LRP1B: variants seen among roughly 807,000 people sequenced by gnomAD.
LRP1B encodes the protein low-density lipoprotein receptor-related protein 1B.
In LRP1B, 217 loss-of-function variants were observed where a neutral mutation model predicts 556.6. That is an observed-to-expected ratio of 0.39 (90% CI 0.35 to 0.44). The LOEUF is 0.44. Among genes scored for constraint, LRP1B ranks in the 20% least tolerant of loss-of-function variants. LRP1B has a pLI of 1.00. For missense variants in LRP1B, 5,053 were observed against 5,620.8 expected (o/e 0.90, Z 3.23); for synonymous variants, 2,047 against 1,865.8 (o/e 1.10, Z -2.50).
At chr2:140,593,484 G>T (rs2105173180) in intron 43 of LRP1B, among the ~76,000 whole-genome samples, 1 of 152,220 alleles carries the variant, frequency 6.6e-6, no homozygotes, top group East Asian at 1.9e-4. Context: ...AAACATTACA[G>T]AATTATTTTC....
intron 1 of LRP1B, among the ~76,000 whole-genome samples, chr2:142,058,553 C>A (rs1704766096): frequency 6.6e-6 from 1 of 151,952 alleles, no homozygotes; most frequent in Non-Finnish European, 1.5e-5. Context: ...GTTTTTTTTG[C>A]AATTTTTTTA....
intron 54 of LRP1B, among the ~76,000 whole-genome samples, chr2:140,502,625 CT>C (rs1689247350): frequency 6.6e-6 from 1 of 151,894 alleles, no homozygotes; most frequent in Non-Finnish European, 1.5e-5. Context: ...TAAATTTTAA[CT>C]TTTTTGCATT....
At chr2:141,223,518 A>T (rs1432541793) in intron 6 of LRP1B, among the ~76,000 whole-genome samples, 1 of 152,224 alleles carries the variant, frequency 6.6e-6, no homozygotes, top group Non-Finnish European at 1.5e-5. Flanking sequence ...TCTTCAGTGA[A>T]TTAGAAAAAA....
At chr2:140,940,914 A>G (rs937722133) in intron 20 of LRP1B, among the ~76,000 whole-genome samples, 1 of 152,112 alleles carries the variant, frequency 6.6e-6, no homozygotes, top group Non-Finnish European at 1.5e-5. Flanking sequence ...CTATTTCTCC[A>G]TAGCCTTGCT....
intron 77 of LRP1B, among the ~76,000 whole-genome samples, chr2:140,348,830 C>T (rs1000367328): frequency 5.3e-5 from 8 of 152,040 alleles, no homozygotes; most frequent in Admixed American, 6.6e-5. Flanking sequence ...GTGAATTTGG[C>T]TTCTAATCTA....
At chr2:141,454,402 A>G (rs898176523) in intron 3 of LRP1B, among the ~76,000 whole-genome samples, 1 of 152,122 alleles carries the variant, frequency 6.6e-6, no homozygotes, top group Non-Finnish European at 1.5e-5. Flanking sequence ...TGCTGGCAAG[A>G]ACTCCCTACC....
intron 41 of LRP1B, among the ~76,000 whole-genome samples, chr2:140,640,780 C>G (rs1684266637): frequency 6.6e-6 from 1 of 152,110 alleles, no homozygotes; most frequent in African/African-American, 2.4e-5. Context: ...ATAATGTGTG[C>G]TCCAAAATTA....
At chr2:141,962,092 T>A (rs557974964) in intron 1 of LRP1B, among the ~76,000 whole-genome samples, 4 of 151,914 alleles carry the variant, frequency 2.6e-5, no homozygotes, top group Non-Finnish European at 4.4e-5. Context: ...AATACAGTAA[T>A]TTTTAACCTA....
intron 32 of LRP1B, among the ~76,000 whole-genome samples, chr2:140,793,851 G>A (rs1181580126): frequency 6.6e-6 from 1 of 151,850 alleles, no homozygotes; most frequent in Admixed American, 6.6e-5. Flanking sequence ...AAAAAATGTA[G>A]TTTATAAAGT....
chr2:140,322,188 G>T, intron 81 of LRP1B, 100 bp from the exon 82 acceptor site: 2 of 1,150,428 alleles, frequency 1.7e-6, no homozygotes, highest in Non-Finnish European at 2.5e-6. Context: ...TAGCAATGTT[G>T]AAAAGTAATC....
At chr2:140,883,779 T>C in intron 25 of LRP1B, 38 bp downstream of exon 25, 1 of 1,561,262 alleles carries the variant, frequency 6.4e-7, no homozygotes, top group Middle Eastern at 1.8e-4. Context: ...GACTATTTTT[T>C]ATGCCAAAAT....
chr2:141,716,910 G>T (rs1237795137), intron 2 of LRP1B, among the ~76,000 whole-genome samples: 2 of 151,934 alleles, frequency 1.3e-5, no homozygotes, highest in Non-Finnish European at 2.9e-5. Context: ...TTCCATACTT[G>T]CCTACTGCCA....
chr2:141,094,602 C>T (rs183221837), intron 7 of LRP1B, among the ~76,000 whole-genome samples: 7 of 152,248 alleles, frequency 4.6e-5, no homozygotes, highest in Non-Finnish European at 8.8e-5. Flanking sequence ...TAAAACCATT[C>T]AACCTTTCCC....
chr2:141,960,123 TTAGCTGTGAGAG>T lies in LRP1B; in HGVS notation c.83-149734_83-149723del, dbSNP rs528106916. ...TAGGGCTTCATAAGAGAGAGAAAGT[TTAGCTGTGAGAG>T]TAGCTGTGAGAGTAGCTGTGAGAGT... On this transcript the variant is annotated intron_variant, in intron 1 of 90. Coordinates refer to ENST00000389484, the MANE Select transcript of LRP1B (RefSeq NM_018557.3). Among the ~76,000 whole-genome samples the T allele has an allele frequency of 9.9e-4, 150 of 151,914 alleles. No homozygotes were observed. The Middle Eastern group carries it at 0.01, about 10-fold the overall frequency.
chr2:141,190,454 T>A (rs1489139003), intron 6 of LRP1B, among the ~76,000 whole-genome samples: 1 of 152,000 alleles, frequency 6.6e-6, no homozygotes, highest in Non-Finnish European at 1.5e-5. Context: ...AGCCATACAC[T>A]GAAATTGCAT....
chr2:141,268,567 G>A (rs978188327), intron 3 of LRP1B, among the ~76,000 whole-genome samples: 2 of 152,000 alleles, frequency 1.3e-5, no homozygotes, highest in African/African-American at 2.4e-5. Context: ...AGGCCAAGAA[G>A]GAAATCAATA....
At chr2:140,305,009 G>A (rs564217641) in intron 83 of LRP1B, among the ~76,000 whole-genome samples, 24 of 152,180 alleles carry the variant, frequency 1.6e-4, no homozygotes, top group African/African-American at 4.6e-4. Context: ...TGTTCCATTG[G>A]TCTATATCTC....
chr2:140,323,142 T>C (rs1439980360), intron 81 of LRP1B, among the ~76,000 whole-genome samples: 3 of 152,048 alleles, frequency 2.0e-5, no homozygotes, highest in African/African-American at 4.8e-5. Flanking sequence ...TAAATAGTAA[T>C]TACAAATAAC....
chr2:141,936,165 A>C (rs1280385500), intron 1 of LRP1B, among the ~76,000 whole-genome samples: 1 of 152,196 alleles, frequency 6.6e-6, no homozygotes, highest in African/African-American at 2.4e-5. Context: ...GACACAAGAT[A>C]TGTTTTTTCC....
Sources: gnomAD v4.1 joint callset for allele counts (sites outside exome capture counted in the v4.1 genomes callset) on GRCh38, gnomAD v4.1.1 for gene constraint, MANE v1.5 for transcripts, NCBI Gene and HGNC (gene_info 2026-07-23, HGNC 2026-07-21) for gene names.